KDM4B: variants seen among roughly 807,000 people sequenced by gnomAD.
KDM4B encodes lysine-specific demethylase 4B.
Under a neutral mutation model 125.2 loss-of-function variants are expected in KDM4B, and 32 were observed. That is an observed-to-expected ratio of 0.26 (90% CI 0.19 to 0.34). KDM4B has a LOEUF of 0.34. Among genes scored for constraint, KDM4B ranks in the 10% least tolerant of loss-of-function variants. The pLI, the probability that KDM4B is intolerant of heterozygous loss-of-function variation, is 1.00. For missense variants in KDM4B, 1,190 were observed against 1,577.7 expected (o/e 0.75, Z 4.16); for synonymous variants, 721 against 677.9 (o/e 1.06, Z -0.99).
At chr19:5,007,097 G>A (rs1012375491) in intron 1 of KDM4B, among the ~76,000 whole-genome samples, 16 of 152,326 alleles carry the variant, frequency 1.1e-4, no homozygotes, top group Non-Finnish European at 1.8e-4. Flanking sequence ...CCTTGGGGGA[G>A]GGCCCTGTCC....
chr19:5,121,848 C>T (rs926857316), intron 11 of KDM4B, among the ~76,000 whole-genome samples: 2 of 152,026 alleles, frequency 1.3e-5, no homozygotes, highest in African/African-American at 4.8e-5. Flanking sequence ...CAAGGCCTGT[C>T]AAGAGGCTGG....
chr19:5,090,417 CCCCTCTGTCTCT>C (rs2038661649), intron 9 of KDM4B, among the ~76,000 whole-genome samples: 2 of 78,944 alleles, frequency 2.5e-5, no homozygotes, highest in African/African-American at 1.0e-4. Context: ...TCCCCCTCTC[CCCCTCTGTCTCT>C]CTCTCCCCCA....
intron 1 of KDM4B, among the ~76,000 whole-genome samples, chr19:5,002,467 T>C (rs919701767): frequency 6.6e-6 from 1 of 151,782 alleles, no homozygotes; most frequent in Non-Finnish European, 1.5e-5. Context: ...TTTCCTTTCC[T>C]TTCCTTTCCT....
intron 9 of KDM4B, among the ~76,000 whole-genome samples, chr19:5,089,708 A>G (rs1196334209): frequency 6.6e-6 from 1 of 151,946 alleles, no homozygotes; most frequent in African/African-American, 2.4e-5. Flanking sequence ...ACTAAAAAAA[A>G]AAAAACCCAC....
At position 5,144,659 on chromosome 19, in the gene KDM4B, C is replaced by T. The variant is rs536179135; in HGVS notation, c.2902-124C>T. The T allele has an allele frequency of 4.1e-4, 572 of 1,410,672 alleles. 4 individuals carry two copies. The South Asian group carries it at 6.1e-3, about 15-fold the overall frequency. 87.4% of individuals were successfully genotyped at this position (1,410,672 alleles called of 1,614,324 possible). ...GCACCGCCCCGCTACCCCGGGCCCC[C>T]GCAGCCAGCTTTGGGGCTTCAGGCA... is the stretch of plus-strand genomic sequence containing the variant. On this transcript the variant is annotated intron_variant, in intron 20 of 22. Coordinates refer to ENST00000159111, the MANE Select transcript of KDM4B (RefSeq NM_015015.3).
At chr19:5,013,048 G>A (rs929752500) in intron 1 of KDM4B, among the ~76,000 whole-genome samples, 3 of 152,192 alleles carry the variant, frequency 2.0e-5, no homozygotes, top group Non-Finnish European at 4.4e-5. Context: ...ACTGGGGCCC[G>A]GCCTCAGCCC....
chr19:5,012,223 A>G (rs1374194937), intron 1 of KDM4B, among the ~76,000 whole-genome samples: 1 of 151,918 alleles, frequency 6.6e-6, no homozygotes, highest in African/African-American at 2.4e-5. Context: ...GGCAGTTAAT[A>G]GAACTTAGCT....
intron 18 of KDM4B, among the ~76,000 whole-genome samples, chr19:5,139,177 C>T (rs149226508): frequency 6.6e-6 from 1 of 152,338 alleles, no homozygotes; most frequent in African/African-American, 2.4e-5. Flanking sequence ...CTGCCTTGGC[C>T]TCCTGGGTAG....
chr19:5,025,094 T>C (rs961244889), intron 2 of KDM4B, among the ~76,000 whole-genome samples: 11 of 152,340 alleles, frequency 7.2e-5, no homozygotes, highest in African/African-American at 2.6e-4. Flanking sequence ...AAAGGGACCC[T>C]TTTTTTGTTG....
intron 9 of KDM4B, among the ~76,000 whole-genome samples, chr19:5,084,598 A>G (rs1326047760): frequency 7.0e-6 from 1 of 143,588 alleles, no homozygotes; most frequent in African/African-American, 2.5e-5. Flanking sequence ...TATAAATTAT[A>G]TAAATTATAT....
intron 21 of KDM4B, among the ~76,000 whole-genome samples, chr19:5,149,232 CCA>C (rs2039904845): frequency 6.6e-6 from 1 of 152,268 alleles, no homozygotes; most frequent in South Asian, 2.1e-4. Flanking sequence ...GCGTCTAGCC[CCA>C]GACACACTTC....
At chr19:5,005,328 C>T (rs2035523673) in intron 1 of KDM4B, among the ~76,000 whole-genome samples, 1 of 152,194 alleles carries the variant, frequency 6.6e-6, no homozygotes, top group Non-Finnish European at 1.5e-5. Context: ...CCCAGTGGTG[C>T]TGCCAGGCCA....
intron 6 of KDM4B, among the ~76,000 whole-genome samples, chr19:5,060,199 G>A (rs1156618475): frequency 1.3e-5 from 2 of 152,024 alleles, no homozygotes; most frequent in Non-Finnish European, 2.9e-5. Context: ...CAGCACTTTG[G>A]GAGGCCAAGG....
chr19:4,998,584 G>A (rs1305128335), intron 1 of KDM4B, among the ~76,000 whole-genome samples: 1 of 152,054 alleles, frequency 6.6e-6, no homozygotes, highest in East Asian at 1.9e-4. Flanking sequence ...AGGAATTTTT[G>A]TATCAAGTTA....
chr19:5,128,011 C>T (rs1281687092), intron 11 of KDM4B, among the ~76,000 whole-genome samples: 2 of 152,180 alleles, frequency 1.3e-5, no homozygotes, highest in Non-Finnish European at 2.9e-5. Context: ...CTGGAGTCCC[C>T]TGTGCACAGA....
rs1599224874 is a variant in KDM4B at position 5,119,272 on chromosome 19, G to A, written c.1116-381G>A. On this transcript the variant is annotated intron_variant, in intron 10 of 22. Transcript: ENST00000159111. The stretch of plus-strand genomic sequence containing the variant: ...GTCTAGGCATTTTCCATGAGCTGCT[G>A]TTTCCCTCGGAGCTCACACTCCCTG... 7 of 1,212,514 alleles carry A rather than the reference G, an allele frequency of 5.8e-6. No homozygotes were observed. The South Asian group carries it at 7.8e-5, about 13-fold the overall frequency. The allele number at this position is 1,212,514 out of a possible 1,614,324, so 75.1% of individuals were successfully genotyped here. A position where few individuals can be genotyped will look rare whatever the true frequency, so the allele number is the denominator to read the frequency against.
At chr19:4,982,968 T>G (rs1173870805) in intron 1 of KDM4B, among the ~76,000 whole-genome samples, 1 of 152,114 alleles carries the variant, frequency 6.6e-6, no homozygotes. Context: ...AACAAGCCCG[T>G]GTGTCTGAAT....
intron 4 of KDM4B, 120 bp downstream of exon 4, chr19:5,040,131 T>C: frequency 8.8e-7 from 1 of 1,131,328 alleles, no homozygotes; most frequent in East Asian, 2.6e-5. Flanking sequence ...CGGCCTGCTC[T>C]GTGTGCCCCG....
intron 6 of KDM4B, among the ~76,000 whole-genome samples, chr19:5,057,069 C>T (rs1003003826): frequency 1.3e-4 from 17 of 128,490 alleles, no homozygotes; most frequent in African/African-American, 5.7e-4. Flanking sequence ...TGTGTGTGCG[C>T]GCGCGCGCGT....
Sources: allele counts gnomAD v4.1 joint callset (sites outside exome capture counted in the v4.1 genomes callset), GRCh38; gene constraint gnomAD v4.1.1; transcripts MANE v1.5; gene names NCBI Gene and HGNC (gene_info 2026-07-23, HGNC 2026-07-21).